FARP1: variants seen among roughly 807,000 people sequenced by gnomAD.
FARP1 encodes the protein FERM, ARHGEF and pleckstrin domain-containing protein 1.
Under a neutral mutation model 128.8 loss-of-function variants are expected in FARP1, and 52 were observed. The ratio of observed to expected loss-of-function variants is 0.40; its 90% CI spans 0.32 to 0.51. FARP1 has a LOEUF of 0.51. Ranked by LOEUF, FARP1 falls within the 20% of genes least tolerant of loss-of-function variation. FARP1 has a pLI of 0.45. For missense variants in FARP1, 1,333 were observed against 1,367.9 expected, an observed-to-expected ratio of 0.97 and a Z score of 0.40; for synonymous variants, 580 against 551.8, an observed-to-expected ratio of 1.05 and a Z score of -0.72.
At chr13:98,378,045 T>C in intron 6 of FARP1, 127 bp downstream of exon 6, 1 of 705,540 alleles carries the variant, frequency 1.4e-6, no homozygotes, top group Non-Finnish European at 2.5e-6. Context: ...GCTGTTCGTA[T>C]GAAGGCCTAC....
At chr13:98,190,733 GTTTTT>G (rs5806053) in intron 1 of FARP1, among the ~76,000 whole-genome samples, 2 of 131,022 alleles carry the variant, frequency 1.5e-5, no homozygotes, top group South Asian at 2.5e-4. Flanking sequence ...AGCTTTTTAA[GTTTTT>G]TTTTTTTTTT....
At chr13:98,395,162 TCAGCCTTGGAATAA>T in intron 12 of FARP1, 51 bp from the exon 13 acceptor site, 1 of 1,507,162 alleles carries the variant, frequency 6.6e-7, no homozygotes, top group Non-Finnish European at 8.9e-7. Flanking sequence ...TTTTCTGTTT[TCAGCCTTGGAATAA>T]CAGTCTCCCT....
At chr13:98,408,896 G>A (rs1381395978) in intron 13 of FARP1, among the ~76,000 whole-genome samples, 1 of 152,180 alleles carries the variant, frequency 6.6e-6, no homozygotes, top group Non-Finnish European at 1.5e-5. Context: ...CCATTGTTAC[G>A]GGACGTAGTG....
chr13:98,149,605 C>T (rs185360933), intron 1 of FARP1, among the ~76,000 whole-genome samples: 1 of 150,054 alleles, frequency 6.7e-6, no homozygotes, highest in South Asian at 2.2e-4. Context: ...TCCTTTTAGC[C>T]ATTCCAGTGG....
chr13:98,359,338 C>T (rs1237086979), intron 3 of FARP1, among the ~76,000 whole-genome samples: 5 of 152,222 alleles, frequency 3.3e-5, no homozygotes, highest in Admixed American at 6.5e-5. Flanking sequence ...TTCCCTGCCC[C>T]TGCTCTCATA....
intron 6 of FARP1, among the ~76,000 whole-genome samples, chr13:98,378,735 C>A (rs1172741295): frequency 6.6e-6 from 1 of 150,896 alleles, no homozygotes; most frequent in African/African-American, 2.4e-5. Flanking sequence ...TTGCCTTAGT[C>A]TGATACAGTA....
At chr13:98,389,815 GTC>G in intron 9 of FARP1, 140 bp from the exon 10 acceptor site, 1 of 729,714 alleles carries the variant, frequency 1.4e-6, no homozygotes, top group Non-Finnish European at 2.3e-6. Context: ...AGTTTAGTAA[GTC>G]TTTGCACTGA....
chr13:98,190,055 C>A (rs546115592), intron 1 of FARP1, among the ~76,000 whole-genome samples: 2 of 152,344 alleles, frequency 1.3e-5, no homozygotes, highest in African/African-American at 2.4e-5. Context: ...GTCCCTCCCC[C>A]TCATCCCTGC....
rs771563231 is a variant in FARP1 at position 98,395,592 on chromosome 13, ATCCCGGTCCCGG to A, written c.1414+121_1414+132del. 5.4e-4 allele frequency: 681 copies of A among 1,263,598 alleles called. 1 individual carries two copies. The highest frequency in any genetic ancestry group is 6.9e-4 in the Non-Finnish European group (632 of 921,208). 78.3% of individuals were successfully genotyped at this position (1,263,598 alleles called of 1,614,324 possible). A position where few individuals can be genotyped will look rare whatever the true frequency, so the allele number is the denominator to read the frequency against. ...AACAAGCGTCCCGATCCCGGTCCCG[ATCCCGGTCCCGG>A]TCCCAAACAAATGACAATTATGAGG... On this transcript the variant is annotated intron_variant, in intron 13 of 26. Transcript: ENST00000319562.
chr13:98,379,114 CTATATATAATA>C lies in FARP1; in HGVS notation c.496+1212_496+1222del, dbSNP rs1171588567. Among the ~76,000 whole-genome samples the C allele has an allele frequency of 9.7e-4, 50 of 51,350 alleles. 8 individuals carry two copies. The highest frequency in any genetic ancestry group is 0.014 in the Middle Eastern group (2 of 140). 33.7% of individuals were successfully genotyped at this position (51,350 alleles called of 152,430 possible). ...ATATAATATATATATAATATATAAT[CTATATATAATA>C]TATATATAATATATAATCTATATAT... On this transcript the variant is annotated intron_variant, in intron 6 of 26. Transcript: ENST00000319562.
At chr13:98,280,596 A>G (rs1884887891) in intron 2 of FARP1, among the ~76,000 whole-genome samples, 1 of 152,078 alleles carries the variant, frequency 6.6e-6, no homozygotes, top group African/African-American at 2.4e-5. Context: ...GTGGTAAACG[A>G]GCAACTTGAA....
intron 24 of FARP1, among the ~76,000 whole-genome samples, chr13:98,442,982 C>T (rs1892590835): frequency 6.6e-6 from 1 of 152,204 alleles, no homozygotes; most frequent in African/African-American, 2.4e-5. Flanking sequence ...CCAGGTGGCC[C>T]AGAGCCACCT....
In FARP1 at chr13:98,398,151, A is replaced by G. The variant is rs1270074329; in HGVS notation, c.1414+2675A>G. On this transcript the variant is annotated intron_variant, in intron 13 of 26. Transcript: ENST00000319562. ...TCTCATTGACAAATGATATCTGTCCACATGAATGTCCAGAAGTCGGTTTTA... is the reference window on the plus strand; with the variant it reads ...TCTCATTGACAAATGATATCTGTCCGCATGAATGTCCAGAAGTCGGTTTTA... The G allele has an allele frequency of 2.0e-5, 3 of 152,332 alleles. No individual in the cohort carries two copies. The East Asian group carries it at 5.8e-4, about 29-fold the overall frequency. 9.4% of individuals were successfully genotyped at this position (152,332 alleles called of 1,614,324 possible). A position where few individuals can be genotyped will look rare whatever the true frequency, so the allele number is the denominator to read the frequency against.
Position 98,176,623 on chromosome 13 carries a change from C to T in FARP1, c.-24+33131C>T, listed in dbSNP as rs150082041. The T allele has an allele frequency of 3.3e-5, 53 of 1,614,244 alleles. No individual in the cohort carries two copies. In the African/African-American group the frequency reaches 6.8e-4, roughly 21 times the overall value. ...GAATTTGCAGCTGTCCCCGAAGCCA[C>T]AGAAGCCAGTCTCCTTGTAGTCCTT... On this transcript the variant is annotated intron_variant, in intron 1 of 26. Coordinates refer to ENST00000319562, the MANE Select transcript of FARP1 (RefSeq NM_005766.4). The surrounding 1 kb of genome is among the most constrained non-coding windows in gnomAD (Gnocchi z 6.2).
intron 2 of FARP1, among the ~76,000 whole-genome samples, chr13:98,334,624 C>G (rs1028186182): frequency 4.6e-5 from 7 of 152,102 alleles, no homozygotes; most frequent in Middle Eastern, 3.2e-3. Flanking sequence ...AAATTGTACT[C>G]CCCACCCTAA....
At chr13:98,443,906 GGAGT>G (rs1892649579) in intron 24 of FARP1, among the ~76,000 whole-genome samples, 1 of 152,192 alleles carries the variant, frequency 6.6e-6, no homozygotes, top group Non-Finnish European at 1.5e-5. Flanking sequence ...GTGAGGCCAG[GGAGT>G]GGCGGGCACG....
intron 1 of FARP1, among the ~76,000 whole-genome samples, chr13:98,169,153 T>G (rs2139157285): frequency 6.6e-6 from 1 of 152,360 alleles, no homozygotes; most frequent in East Asian, 1.9e-4. Flanking sequence ...CTAAGCCATA[T>G]ATAGCCATTC....
At chr13:98,397,284 C>T (rs553562810) in intron 13 of FARP1, 2 of 152,314 alleles carry the variant, frequency 1.3e-5, no homozygotes, top group East Asian at 3.9e-4. Flanking sequence ...GGAAGAGCAA[C>T]ACCTTGAAAT....
chr13:98,282,949 C>T (rs1240177040), intron 2 of FARP1, among the ~76,000 whole-genome samples: 1 of 152,136 alleles, frequency 6.6e-6, no homozygotes. Flanking sequence ...TCTCTCCTGT[C>T]AAATGCTTTA....
Sources: allele counts gnomAD v4.1 joint callset (sites outside exome capture counted in the v4.1 genomes callset), GRCh38; gene constraint gnomAD v4.1.1; non-coding constraint Gnocchi (gnomAD v3.1); transcripts MANE v1.5; gene names NCBI Gene and HGNC (gene_info 2026-07-23, HGNC 2026-07-21).